Variants in RCHY1 observed in about 807,000 individuals in gnomAD.
RCHY1 encodes the protein ring finger and CHY zinc finger domain containing 1, also known as RING finger and CHY zinc finger domain-containing protein 1.
A neutral mutation model predicts 41.6 loss-of-function variants in RCHY1; 21 were observed. The observed-to-expected ratio is 0.51, with a 90% CI of 0.36 to 0.73. The LOEUF is 0.73. RCHY1 is among the 30% of genes least tolerant of loss of function. The pLI is 0.00. For missense variants in RCHY1, 265 were observed against 325.3 expected (o/e 0.81, Z 1.43); for synonymous variants, 79 against 102.9 (o/e 0.77, Z 1.41).
chr4:75,508,993 G>T, intron 2 of RCHY1, 58 bp from the exon 3 acceptor site: 1 of 1,301,108 alleles, frequency 7.7e-7, no homozygotes, highest in South Asian at 1.3e-5. Flanking sequence ...GTTACCATTT[G>T]AATATCTAGA....
chr4:75,492,756 G>T (rs1170230923), intron 4 of RCHY1, among the ~76,000 whole-genome samples: 2 of 151,854 alleles, frequency 1.3e-5, no homozygotes, highest in Admixed American at 1.3e-4. Flanking sequence ...TGACAGTATA[G>T]TGGGGAGAAA....
intron 8 of RCHY1, among the ~76,000 whole-genome samples, chr4:75,487,082 TAA>T (rs781080541): frequency 7.9e-5 from 12 of 152,084 alleles, no homozygotes; most frequent in Non-Finnish European, 1.6e-4. Context: ...GAAAGAATTT[TAA>T]AAGTTTATAA....
At position 75,482,262 on chromosome 4, in the gene RCHY1, G is replaced by A. The variant is rs1046778088; in HGVS notation, c.*276C>T. ...GAAAATATAATACACTTCTATGAAT[G>A]TATCAGTGGCAAACATCATTGGCTT... On this transcript the variant is annotated 3_prime_UTR_variant, in exon 9 of 9. Transcript: ENST00000324439. 4.5e-6 allele frequency: 1 copy of A among 223,696 alleles called. No individual in the cohort carries two copies. The highest frequency in any genetic ancestry group is 2.3e-5 in the African/African-American group (1 of 44,172). 13.9% of individuals were successfully genotyped at this position (223,696 alleles called of 1,614,324 possible).
chr4:75,503,873 G>T (rs1056575861), intron 3 of RCHY1, among the ~76,000 whole-genome samples: 1 of 152,068 alleles, frequency 6.6e-6, no homozygotes, highest in Non-Finnish European at 1.5e-5. Context: ...TGGTTCATAA[G>T]TGGACAAACG....
chr4:75,488,762 A>C (rs1722475361), intron 8 of RCHY1, among the ~76,000 whole-genome samples: 1 of 152,118 alleles, frequency 6.6e-6, no homozygotes, highest in East Asian at 1.9e-4. Flanking sequence ...TAAATCCTTA[A>C]AGCTTCCATT....
In RCHY1 at chr4:75,494,135, A is replaced by C. The variant is rs1321913829; in HGVS notation, c.371T>G (p.Leu124Ter). The C allele has an allele frequency of 6.4e-7, 1 of 1,566,030 alleles. No homozygotes were observed. Among genetic ancestry groups the C allele is most frequent in the Middle Eastern group, 1.7e-4 (1 of 5,822 alleles). ...EDFFHCLKCN[L>*]CLAMNLQGRH... The stretch of plus-strand genomic sequence containing the variant: ...TCCTTGAAGATTCATAGCTAGGCAT[A>C]AGTTACATTTCAAACAATGGAAAAA... Residue 124 changes from leucine to a stop codon, truncating the protein, a stop_gained, in exon 4 of 9, where the codon TTA (leucine) becomes TGA (stop). Coordinates refer to ENST00000324439, the MANE Select transcript of RCHY1 (RefSeq NM_015436.4). LOFTEE classifies it high-confidence loss of function.
intron 3 of RCHY1, among the ~76,000 whole-genome samples, chr4:75,496,640 A>G (rs531019731): frequency 6.6e-6 from 1 of 152,260 alleles, no homozygotes; most frequent in South Asian, 2.1e-4. Context: ...TATTGCCTCA[A>G]CAGTGGAGAA....
chr4:75,483,875 T>C (rs926538109), intron 8 of RCHY1, among the ~76,000 whole-genome samples: 5 of 152,136 alleles, frequency 3.3e-5, no homozygotes, highest in African/African-American at 1.2e-4. Flanking sequence ...AATACTAGGC[T>C]TTCCCATTCT....
intron 3 of RCHY1, among the ~76,000 whole-genome samples, chr4:75,505,719 A>G (rs1418390001): frequency 6.6e-6 from 1 of 152,198 alleles, no homozygotes; most frequent in Non-Finnish European, 1.5e-5. Flanking sequence ...TATAGGACTA[A>G]AACTCCTACT....
chr4:75,512,401 CT>C (rs1467513076), intron 1 of RCHY1, among the ~76,000 whole-genome samples: 1 of 152,154 alleles, frequency 6.6e-6, no homozygotes, highest in Admixed American at 6.5e-5. Flanking sequence ...GCAAATATAC[CT>C]CATTCTCTGC....
intron 3 of RCHY1, among the ~76,000 whole-genome samples, chr4:75,495,435 A>T (rs1223137974): frequency 6.6e-6 from 1 of 152,052 alleles, no homozygotes; most frequent in Admixed American, 6.6e-5. Context: ...GTATTTAGCT[A>T]GGCACTGAGC....
chr4:75,509,613 C>T (rs963093050), intron 1 of RCHY1: 3 of 216,284 alleles, frequency 1.4e-5, no homozygotes, highest in Non-Finnish European at 2.8e-5. Context: ...CCACCCAAAT[C>T]TCAACTTGAA....
At chr4:75,485,693 T>C (rs950025384) in intron 8 of RCHY1, among the ~76,000 whole-genome samples, 3 of 152,288 alleles carry the variant, frequency 2.0e-5, no homozygotes, top group East Asian at 3.9e-4. Flanking sequence ...TAGCTAACAA[T>C]TGCTTAGGGC....
intron 3 of RCHY1, among the ~76,000 whole-genome samples, chr4:75,504,827 G>A (rs747385387): frequency 9.9e-5 from 15 of 151,898 alleles, no homozygotes; most frequent in East Asian, 3.9e-4. Flanking sequence ...TTATTCTTTC[G>A]TCTGCACATT....
chr4:75,495,427 A>G (rs894180094), intron 3 of RCHY1, among the ~76,000 whole-genome samples: 2 of 152,020 alleles, frequency 1.3e-5, no homozygotes, highest in African/African-American at 2.4e-5. Flanking sequence ...ATGATAGGGT[A>G]TTTAGCTAGG....
intron 3 of RCHY1, among the ~76,000 whole-genome samples, chr4:75,497,717 A>G (rs1723349124): frequency 6.6e-6 from 1 of 152,154 alleles, no homozygotes; most frequent in Non-Finnish European, 1.5e-5. Flanking sequence ...GGAGGACCGA[A>G]AAAACATCTG....
intron 1 of RCHY1, among the ~76,000 whole-genome samples, chr4:75,512,219 G>T (rs1474739728): frequency 1.3e-5 from 2 of 152,138 alleles, no homozygotes; most frequent in Admixed American, 6.5e-5. Context: ...CAGAGTCTAA[G>T]ACCTAAGATT....
chr4:75,483,266 G>C (rs1036216309), intron 8 of RCHY1, among the ~76,000 whole-genome samples: 7 of 152,022 alleles, frequency 4.6e-5, no homozygotes, highest in African/African-American at 1.7e-4. Flanking sequence ...AAATAACAAA[G>C]GTGTTAACCT....
chr4:75,505,632 C>T (rs1438181190), intron 3 of RCHY1, among the ~76,000 whole-genome samples: 1 of 151,948 alleles, frequency 6.6e-6, no homozygotes, highest in African/African-American at 2.4e-5. Context: ...GAAAAAAAGG[C>T]CATATATATG....
Sources: gnomAD v4.1 joint callset for allele counts (sites outside exome capture counted in the v4.1 genomes callset) on GRCh38, gnomAD v4.1.1 for gene constraint, MANE v1.5 for transcripts, NCBI Gene and HGNC (gene_info 2026-07-23, HGNC 2026-07-21) for gene names.